SAMD12: variants seen among roughly 807,000 people sequenced by gnomAD.
SAMD12 encodes the protein sterile alpha motif domain containing 12, also known as sterile alpha motif domain-containing protein 12.
Under a neutral mutation model 15.0 loss-of-function variants are expected in SAMD12, and 9 were observed. The observed-to-expected ratio is 0.60, with a 90% CI of 0.36 to 1.05. The LOEUF (loss-of-function observed/expected upper bound fraction) is 1.05. Among genes scored for constraint, SAMD12 ranks in the 50% least tolerant of loss-of-function variants. SAMD12 has a pLI of 0.01. For missense variants in SAMD12, 230 were observed against 234.2 expected, an observed-to-expected ratio of 0.98 and a Z score of 0.12; for synonymous variants, 86 against 90.1, an observed-to-expected ratio of 0.96 and a Z score of 0.25.
intron 3 of SAMD12, among the ~76,000 whole-genome samples, chr8:118,399,791 C>T (rs1440612135): frequency 6.6e-6 from 1 of 152,160 alleles, no homozygotes; most frequent in African/African-American, 2.4e-5. Flanking sequence ...TTCACTGGGT[C>T]AAGGGGTACC....
rs371895982 is a variant in SAMD12, at chr8:118,621,867, C to T, written c.-51G>A. 2 of 1,599,822 alleles carry T rather than the reference C, an allele frequency of 1.3e-6. No individual in the cohort carries two copies. Among genetic ancestry groups the T allele is most frequent in the African/African-American group, 2.7e-5 (2 of 74,632 alleles). ...CATAATTTTCTTGGCCGAGGTACTC[C>T]TCCTGCCCCGCGCTCCCCCCTTCCT... On this transcript the variant is annotated 5_prime_UTR_variant, in exon 1 of 4. Coordinates refer to ENST00000314727, the MANE Select transcript of SAMD12 (RefSeq NM_207506.3).
chr8:118,169,819 T>C, the SAMD12 span, among the ~76,000 whole-genome samples: 1 of 152,240 alleles, frequency 6.6e-6, no homozygotes, highest in Admixed American at 6.5e-5. Context: ...CTAGAGGCTC[T>C]TCTTTGGAGG....
chr8:118,515,095 T>G (rs963966055), intron 2 of SAMD12, among the ~76,000 whole-genome samples: 3 of 151,886 alleles, frequency 2.0e-5, no homozygotes, highest in Non-Finnish European at 2.9e-5. Context: ...CTCGGCTCAC[T>G]GCAAGCTCCA....
At chr8:118,531,951 C>T (rs1825699934) in intron 2 of SAMD12, among the ~76,000 whole-genome samples, 1 of 152,186 alleles carries the variant, frequency 6.6e-6, no homozygotes, top group Non-Finnish European at 1.5e-5. Flanking sequence ...CTGGCCAGAA[C>T]TTCCAACACT....
chr8:118,200,403 CAAAA>C (rs35465667), intron 4 of SAMD12, among the ~76,000 whole-genome samples: 56 of 114,184 alleles, frequency 4.9e-4, no homozygotes, highest in African/African-American at 1.7e-3. Context: ...ATTAGAGTAC[CAAAA>C]AAAAAAAAAA....
chr8:118,502,622 AT>A (rs1824816848), intron 2 of SAMD12, among the ~76,000 whole-genome samples: 1 of 152,214 alleles, frequency 6.6e-6, no homozygotes, highest in South Asian at 2.1e-4. Context: ...TTTTCATTAC[AT>A]TTTTCAATGA....
chr8:118,255,854 C>T (rs903423077), intron 4 of SAMD12, among the ~76,000 whole-genome samples: 1 of 151,970 alleles, frequency 6.6e-6, no homozygotes, highest in Non-Finnish European at 1.5e-5. Context: ...ATTTATAGTC[C>T]TTTGGGTATA....
intron 4 of SAMD12, among the ~76,000 whole-genome samples, chr8:118,214,487 C>A (rs1311404805): frequency 1.3e-5 from 2 of 152,208 alleles, no homozygotes; most frequent in Non-Finnish European, 2.9e-5. Flanking sequence ...TCAAGCTTTT[C>A]ATCTTGTAGT....
chr8:118,334,680 C>G (rs1476034286), intron 4 of SAMD12, among the ~76,000 whole-genome samples: 1 of 152,138 alleles, frequency 6.6e-6, no homozygotes, highest in Admixed American at 6.5e-5. Context: ...ACTGAAGCCT[C>G]AACCTCCCAG....
intron 2 of SAMD12, among the ~76,000 whole-genome samples, chr8:118,446,004 C>G (rs947907517): frequency 1.3e-5 from 2 of 152,124 alleles, no homozygotes; most frequent in African/African-American, 2.4e-5. Flanking sequence ...ATTATCGAAG[C>G]CTAAATTTTT....
intron 2 of SAMD12, among the ~76,000 whole-genome samples, chr8:118,491,783 TTTCTC>T (rs1824447799): frequency 6.6e-6 from 1 of 152,178 alleles, no homozygotes. Context: ...TAACTAATCT[TTTCTC>T]TTTAAGCTGT....
chr8:118,375,694 T>C (rs1359049808), downstream of SAMD12: 2 of 151,070 alleles, frequency 1.3e-5, no homozygotes, highest in Non-Finnish European at 2.9e-5. Flanking sequence ...CCCTTTTTCC[T>C]TCTTGTTTCT....
chr8:118,446,334 G>T (rs1822911407), intron 2 of SAMD12, among the ~76,000 whole-genome samples: 1 of 151,720 alleles, frequency 6.6e-6, no homozygotes, highest in African/African-American at 2.4e-5. Flanking sequence ...AAGTTGTCAA[G>T]GACTCTCAGT....
At chr8:118,579,567 CA>C (rs1365097243) in intron 2 of SAMD12, among the ~76,000 whole-genome samples, 1 of 152,114 alleles carries the variant, frequency 6.6e-6, no homozygotes, top group East Asian at 1.9e-4. Flanking sequence ...GAAGCAATAA[CA>C]GTAATTATTC....
At chr8:118,277,722 A>G (rs1813508771) in intron 4 of SAMD12, among the ~76,000 whole-genome samples, 1 of 152,210 alleles carries the variant, frequency 6.6e-6, no homozygotes, top group Non-Finnish European at 1.5e-5. Context: ...TTTAATCCTT[A>G]TAATAACTCC....
At chr8:118,238,865 T>A (rs989786841) in intron 4 of SAMD12, among the ~76,000 whole-genome samples, 11 of 152,226 alleles carry the variant, frequency 7.2e-5, no homozygotes, top group African/African-American at 2.6e-4. Context: ...TCCAAGAGAT[T>A]TGCGTTGAAT....
intron 4 of SAMD12, among the ~76,000 whole-genome samples, chr8:118,323,686 T>C (rs949337140): frequency 6.6e-5 from 10 of 152,138 alleles, no homozygotes; most frequent in African/African-American, 2.4e-4. Context: ...GGAGGATCAC[T>C]TGAACCTGGG....
rs149325011 is a variant in SAMD12, at chr8:118,249,979, C to T, written c.434-52247G>A. ...GTGAATGCAGGTGAATCCACACCCC[C>T]GATGTTGGGGGCGGGAATGCATGGG... is the stretch of plus-strand genomic sequence containing the variant. On this transcript the variant is annotated intron_variant, in intron 4 of 4. Transcript: ENST00000409003. 6.6e-5 allele frequency among the ~76,000 whole-genome samples: 10 copies of T among 152,168 alleles called. 1 individual carries two copies. The highest frequency in any genetic ancestry group is 3.9e-4 in the East Asian group (2 of 5,166).
chr8:118,577,685 C>T (rs1827186982), intron 2 of SAMD12, among the ~76,000 whole-genome samples: 1 of 152,074 alleles, frequency 6.6e-6, no homozygotes, highest in South Asian at 2.1e-4. Context: ...AATACCTGGT[C>T]AGAGCTCTCG....
Sources: allele counts gnomAD v4.1 joint callset (sites outside exome capture counted in the v4.1 genomes callset), GRCh38; gene constraint gnomAD v4.1.1; transcripts MANE v1.5; gene names NCBI Gene and HGNC (gene_info 2026-07-23, HGNC 2026-07-21).